DOCK10: variants seen among roughly 807,000 people sequenced by gnomAD.
DOCK10 encodes dedicator of cytokinesis protein 10.
Under a neutral mutation model 280.1 loss-of-function variants are expected in DOCK10, and 145 were observed. That is an observed-to-expected ratio of 0.52 (90% CI 0.45 to 0.59). DOCK10 has a LOEUF of 0.59. DOCK10 is among the 20% of genes least tolerant of loss of function. DOCK10 has a pLI of 0.00. For missense variants in DOCK10, 2,368 were observed against 2,651.7 expected (o/e 0.89, Z 2.35); for synonymous variants, 915 against 942.2 (o/e 0.97, Z 0.53).
At chr2:225,011,116 A>G (rs990453510) in intron 1 of DOCK10, among the ~76,000 whole-genome samples, 2 of 152,248 alleles carry the variant, frequency 1.3e-5, no homozygotes, top group East Asian at 3.8e-4. Flanking sequence ...TAGCATATGT[A>G]TATAGTCAAA....
chr2:224,916,991 A>T (rs185420921), intron 2 of DOCK10, among the ~76,000 whole-genome samples: 1 of 152,204 alleles, frequency 6.6e-6, no homozygotes, highest in East Asian at 1.9e-4. Context: ...TATTTTTACA[A>T]CAGTTACTGT....
At chr2:224,883,660 G>A (rs912994196) in intron 7 of DOCK10, among the ~76,000 whole-genome samples, 7 of 152,128 alleles carry the variant, frequency 4.6e-5, no homozygotes, top group Admixed American at 2.0e-4. Flanking sequence ...ATTTGAATGC[G>A]GACTTGCATG....
rs777368961 is a variant in DOCK10, at chr2:224,778,134, C to G, written c.5802+4G>C. 1.2e-6 allele frequency: 2 copies of G among 1,612,624 alleles called. No homozygotes were observed. The highest frequency in any genetic ancestry group is 3.3e-5 in the Admixed American group (2 of 59,884). On this transcript the variant is annotated splice_donor_region_variant and intron_variant, in intron 51 of 55. Transcript: ENST00000258390. Reference sequence around the variant, plus strand: ...CACTTGCATGAATACTGATTTTCCTCTACCTTGTTGGAATCCTGGATTATC... The same window carrying G: ...CACTTGCATGAATACTGATTTTCCTGTACCTTGTTGGAATCCTGGATTATC...
chr2:224,913,003 G>T (rs960068474), intron 3 of DOCK10, among the ~76,000 whole-genome samples: 2 of 151,918 alleles, frequency 1.3e-5, no homozygotes, highest in African/African-American at 4.8e-5. Flanking sequence ...TCCAGCCTGG[G>T]TGACAGAGGA....
chr2:224,897,209 C>G (rs1700036557), intron 3 of DOCK10, among the ~76,000 whole-genome samples: 1 of 152,152 alleles, frequency 6.6e-6, no homozygotes, highest in Admixed American at 6.5e-5. Flanking sequence ...CTCATGCCTT[C>G]TAAGGCACAG....
chr2:225,041,011 C>T (rs1226846091), intron 1 of DOCK10, among the ~76,000 whole-genome samples: 3 of 152,126 alleles, frequency 2.0e-5, no homozygotes, highest in Non-Finnish European at 4.4e-5. Flanking sequence ...AGAAGGCACC[C>T]TGGCCACCAA....
Position 224,986,029 on chromosome 2 carries a change from C to T in DOCK10, c.124-54361G>A, listed in dbSNP as rs149134426. On this transcript the variant is annotated intron_variant, in intron 1 of 55. Transcript: ENST00000258390. ...GCAAAATACCTACGTCTGTTTTGAC[C>T]GTGTCAAATTGGACTGTGCTTTGGC... is the stretch of plus-strand genomic sequence containing the variant. Among the ~76,000 whole-genome samples the T allele has an allele frequency of 4.6e-3, 704 of 152,186 alleles. 10 individuals are homozygous for T. The highest frequency in any genetic ancestry group is 0.016 in the African/African-American group (657 of 41,522).
intron 3 of DOCK10, among the ~76,000 whole-genome samples, chr2:224,901,903 C>T (rs112092966): frequency 6.6e-6 from 1 of 152,102 alleles, no homozygotes; most frequent in Non-Finnish European, 1.5e-5. Flanking sequence ...CTAGACACAG[C>T]CTTTTAAAAG....
chr2:224,918,785 A>AT (rs1701490491), intron 2 of DOCK10, among the ~76,000 whole-genome samples: 1 of 98,202 alleles, frequency 1.0e-5, no homozygotes, highest in African/African-American at 3.0e-5. Context: ...GTGTATGTGT[A>AT]ATGTGAGTGT....
rs780606850 is a variant in DOCK10, at chr2:224,808,070, T to C, written c.3426A>G (p.Ser1142=). The C allele has an allele frequency of 2.5e-6, 4 of 1,611,810 alleles. No individual in the cohort carries two copies. In the African/African-American group the frequency reaches 5.3e-5, roughly 22 times the overall value. Residue 1142 remains serine (S), a synonymous_variant, in exon 32 of 56, where the codon TCA becomes TCG. Coordinates refer to ENST00000258390, the MANE Select transcript of DOCK10 (RefSeq NM_014689.3). ...GTTTGCGACAAAATTCATTTGTGAC[T>C]GAATATTCAGGCATATCTTTGTGAG... ...ELHASDMPEY[S]VTNEFCRKHF...
At chr2:224,771,697 T>TG (rs1197591732) in intron 53 of DOCK10, among the ~76,000 whole-genome samples, 1 of 152,228 alleles carries the variant, frequency 6.6e-6, no homozygotes, top group Non-Finnish European at 1.5e-5. Flanking sequence ...GTGTGGCAGA[T>TG]GCAGTCACTG....
chr2:225,022,060 T>C (rs1689796381), intron 1 of DOCK10, among the ~76,000 whole-genome samples: 1 of 152,216 alleles, frequency 6.6e-6, no homozygotes, highest in South Asian at 2.1e-4. Flanking sequence ...AATAACATTA[T>C]ATTCAATTTT....
At position 224,844,759 on chromosome 2, in the gene DOCK10, A is replaced by T; in HGVS notation, c.2562T>A (p.Asn854Lys). 1 of 1,589,632 alleles carries T rather than the reference A, an allele frequency of 6.3e-7. No individual in the cohort carries two copies. The highest frequency in any genetic ancestry group is 8.6e-7 in the Non-Finnish European group (1 of 1,165,646). ...KVSTFVVSTVNTQDPHVNAFF... is the reference protein window; with the variant it reads ...KVSTFVVSTVKTQDPHVNAFF... The stretch of plus-strand genomic sequence containing the variant: ...TTCAGGTCAACATACTCACCTGAGT[A>T]TTTACTGTTGATACAACAAATGTCG... The change falls in exon 22 of 56, where the codon AAT becomes AAA. Residue 854 changes from asparagine to lysine, a missense_variant. Asn to Lys is a moderately conservative substitution (Grantham distance 94). This residue lies in a region of DOCK10 where 1,209 missense variants were observed against 1,250.9 expected (regional missense o/e 0.97). Transcript: ENST00000258390.
At chr2:224,987,043 A>G (rs1389776182) in intron 1 of DOCK10, among the ~76,000 whole-genome samples, 1 of 152,126 alleles carries the variant, frequency 6.6e-6, no homozygotes, top group Non-Finnish European at 1.5e-5. Flanking sequence ...CCAGCAGAAC[A>G]TGGTTTCCGC....
chr2:224,792,869 G>A, intron 47 of DOCK10, 105 bp downstream of exon 47: 1 of 861,802 alleles, frequency 1.2e-6, no homozygotes, highest in Non-Finnish European at 1.8e-6. Flanking sequence ...ATCTGAGACA[G>A]TTTTTGCTTC....
intron 50 of DOCK10, among the ~76,000 whole-genome samples, chr2:224,784,071 G>A (rs947252272): frequency 5.3e-5 from 8 of 152,096 alleles, no homozygotes; most frequent in Non-Finnish European, 1.0e-4. Context: ...GTACTGGCAG[G>A]TTATTTTGGA....
chr2:225,037,370 C>G (rs1690288583), intron 1 of DOCK10, among the ~76,000 whole-genome samples: 1 of 152,168 alleles, frequency 6.6e-6, no homozygotes, highest in African/African-American at 2.4e-5. Context: ...CACAGGTACT[C>G]TGAAGCACTA....
At chr2:224,828,785 A>T (rs1345172760) in intron 27 of DOCK10, among the ~76,000 whole-genome samples, 2 of 152,200 alleles carry the variant, frequency 1.3e-5, no homozygotes, top group Non-Finnish European at 2.9e-5. Context: ...ACCGACTCTC[A>T]GGGAGTTGTA....
intron 1 of DOCK10, among the ~76,000 whole-genome samples, chr2:224,937,474 C>T (rs969158676): frequency 6.6e-6 from 1 of 152,096 alleles, no homozygotes; most frequent in Non-Finnish European, 1.5e-5. Flanking sequence ...CTTCATGTAC[C>T]AGGAACTGTC....
Sources: gnomAD v4.1 joint callset for allele counts (sites outside exome capture counted in the v4.1 genomes callset) on GRCh38, gnomAD v4.1.1 for gene constraint, gnomAD v4.1.1 regional missense constraint, MANE v1.5 for transcripts, NCBI Gene and HGNC (gene_info 2026-07-23, HGNC 2026-07-21) for gene names.